The following MME variants were observed in gnomAD, a reference collection of about 807,000 sequenced individuals.
MME encodes membrane metalloendopeptidase.
In MME, 98 loss-of-function variants were observed where a neutral mutation model predicts 113.2. That is an observed-to-expected ratio of 0.87 (90% CI 0.74 to 1.02). MME has a LOEUF of 1.02. Ranked by LOEUF, MME falls within the 50% of genes least tolerant of loss-of-function variation. The pLI is 0.00. For missense variants in MME, 836 were observed against 896.0 expected (o/e 0.93, Z 0.86); for synonymous variants, 292 against 300.6 (o/e 0.97, Z 0.30).
chr3:155,045,641 C>T (rs1267043741), intron 1 of MME, among the ~76,000 whole-genome samples: 1 of 149,582 alleles, frequency 6.7e-6, no homozygotes, highest in Non-Finnish European at 1.5e-5. Context: ...ATCTCCTTGT[C>T]TTCTTGATCA....
At chr3:155,058,378 A>G (rs1714012041) in intron 1 of MME, among the ~76,000 whole-genome samples, 1 of 152,248 alleles carries the variant, frequency 6.6e-6, no homozygotes, top group Non-Finnish European at 1.5e-5. Flanking sequence ...GACTCTGGAC[A>G]AAGTCCAGTT....
At chr3:155,155,381 C>A (rs1722238847) in intron 16 of MME, among the ~76,000 whole-genome samples, 2 of 152,130 alleles carry the variant, frequency 1.3e-5, no homozygotes, top group South Asian at 4.1e-4. Flanking sequence ...CTTGAAAGGA[C>A]AACATTCAAC....
rs199574489 is a variant in MME, at chr3:155,181,065, T to C, written c.*606T>C. ...GCACTCTTAAAGCAAAAAATGAATG[T>C]CTAAAATTGTTTTTTGTTGTACCTG... On this transcript the variant is annotated 3_prime_UTR_variant, in exon 23 of 23. Coordinates refer to ENST00000360490, the MANE Select transcript of MME (RefSeq NM_007289.4). The C allele has an allele frequency of 9.8e-5, 15 of 152,962 alleles. No individual in the cohort carries two copies. Among genetic ancestry groups the C allele is most frequent in the African/African-American group, 3.6e-4 (15 of 41,450 alleles). 9.5% of individuals were successfully genotyped at this position (152,962 alleles called of 1,614,324 possible). A position where few individuals can be genotyped will look rare whatever the true frequency, so the allele number is the denominator to read the frequency against.
chr3:155,053,087 C>T (rs536568167), intron 1 of MME, among the ~76,000 whole-genome samples: 1 of 152,278 alleles, frequency 6.6e-6, no homozygotes, highest in Admixed American at 6.5e-5. Context: ...GTTGATATTA[C>T]TATCAGCATT....
Position 155,116,590 on chromosome 3 carries a change from G to GTGTATATA in MME, c.439+32_439+33insGTATATAT. The GTGTATATA allele has an allele frequency of 4.0e-6, 5 of 1,239,224 alleles. No homozygotes were observed. The South Asian group carries it at 5.9e-5, about 15-fold the overall frequency. 76.8% of individuals were successfully genotyped at this position (1,239,224 alleles called of 1,614,324 possible). ...TGCTCTTCATTTGATTTCATTAGGA[G>GTGTATATA]TATATATATATATATATTGGTGCCA... is the stretch of plus-strand genomic sequence containing the variant. On this transcript the variant is annotated intron_variant, in intron 5 of 22. Transcript: ENST00000360490.
intron 1 of MME, among the ~76,000 whole-genome samples, chr3:155,034,415 G>T (rs144739535): frequency 1.3e-5 from 2 of 152,280 alleles, no homozygotes; most frequent in Admixed American, 1.3e-4. Context: ...TAGAAATACA[G>T]ACCATAGTTA....
chr3:155,131,889 G>A (rs974658823), intron 8 of MME, among the ~76,000 whole-genome samples: 2 of 152,078 alleles, frequency 1.3e-5, no homozygotes, highest in Non-Finnish European at 2.9e-5. Flanking sequence ...AGCTTTTTTG[G>A]TAGGAAATAA....
rs528851522 is a variant in MME, at chr3:155,150,849, A to T, written c.1601+2196A>T. On this transcript the variant is annotated intron_variant, in intron 16 of 22. Coordinates refer to ENST00000360490, the MANE Select transcript of MME (RefSeq NM_007289.4). ...TTAAAATTTATTTTTATCTTCCAAA[A>T]TAATCAGAAACCCTCTGACAGTAAT... Among the ~76,000 whole-genome samples the T allele has an allele frequency of 3.3e-5, 5 of 152,350 alleles. No individual in the cohort carries two copies. The East Asian group carries it at 9.6e-4, about 29-fold the overall frequency.
intron 3 of MME, among the ~76,000 whole-genome samples, chr3:155,113,550 G>A (rs1718359156): frequency 6.6e-6 from 1 of 152,116 alleles, no homozygotes; most frequent in African/African-American, 2.4e-5. Flanking sequence ...GCCCTGCCAA[G>A]CTTTTATAAT....
At chr3:155,073,310 G>A (rs191915937) in intron 1 of MME, among the ~76,000 whole-genome samples, 5 of 152,124 alleles carry the variant, frequency 3.3e-5, no homozygotes, top group Non-Finnish European at 2.9e-5. Context: ...AAATAGAAAC[G>A]ACCACAGCAC....
In MME at chr3:155,084,343, A is replaced by C. The variant is rs1559906579; in HGVS notation, c.160+16A>C. On this transcript the variant is annotated intron_variant, in intron 2 of 22. Transcript: ENST00000360490. ...ACCTACGATGGTGAGTTACTCCCACACCTGTGCATCCATAAGTGCAAAAGA... is the reference window on the plus strand; with the variant it reads ...ACCTACGATGGTGAGTTACTCCCACCCCTGTGCATCCATAAGTGCAAAAGA... The C allele has an allele frequency of 6.2e-7, 1 of 1,613,412 alleles. No individual in the cohort carries two copies. Among genetic ancestry groups the C allele is most frequent in the Non-Finnish European group, 8.5e-7 (1 of 1,179,418 alleles).
At chr3:155,176,371 A>G (rs558696450) in intron 22 of MME, among the ~76,000 whole-genome samples, 2 of 152,354 alleles carry the variant, frequency 1.3e-5, no homozygotes, top group South Asian at 4.1e-4. Flanking sequence ...GAAATAATTA[A>G]TAAAAGCTTT....
At chr3:155,167,354 G>A (rs1353377224) in intron 18 of MME, among the ~76,000 whole-genome samples, 1 of 152,058 alleles carries the variant, frequency 6.6e-6, no homozygotes. Context: ...TAAAGGACAG[G>A]CTGCATGTCT....
At chr3:155,068,994 G>A (rs1366189273) in intron 1 of MME, among the ~76,000 whole-genome samples, 3 of 152,130 alleles carry the variant, frequency 2.0e-5, no homozygotes, top group African/African-American at 4.8e-5. Context: ...AGGACTCATC[G>A]AAGGCCACTG....
At chr3:155,030,569 C>A (rs903126948) in intron 1 of MME, among the ~76,000 whole-genome samples, 1 of 152,010 alleles carries the variant, frequency 6.6e-6, no homozygotes, top group African/African-American at 2.4e-5. Flanking sequence ...ACACTTTATC[C>A]AGCTTTTTTT....
chr3:155,116,687 G>T lies in MME; in HGVS notation c.463G>T (p.Glu155Ter). ...AGCTGCTATTGATAGCAGAGGTGGA[G>T]AACCTCTACTCAAACTGTTACCAGA... ...NESAIDSRGGEPLLKLLPDIY... is the reference protein window; with the variant it reads ...NESAIDSRGG Residue 155 changes from glutamate (E) to a stop codon, truncating the protein, a stop_gained, in exon 6 of 23, where the codon GAA becomes TAA. Transcript: ENST00000360490. LOFTEE classifies it high-confidence loss of function. The T allele has an allele frequency of 6.2e-7, 1 of 1,612,656 alleles. No individual in the cohort carries two copies.
intron 16 of MME, among the ~76,000 whole-genome samples, chr3:155,150,018 T>C (rs530553425): frequency 6.6e-6 from 1 of 152,212 alleles, no homozygotes; most frequent in African/African-American, 2.4e-5. Context: ...CAAAAAGTTA[T>C]GCAAAATAAT....
chr3:155,101,467 C>A (rs376659844), intron 3 of MME, among the ~76,000 whole-genome samples: 1 of 152,180 alleles, frequency 6.6e-6, no homozygotes, highest in Non-Finnish European at 1.5e-5. Context: ...CTCAAACATT[C>A]CACTTCCAGT....
chr3:155,131,582 C>T (rs923239835), intron 8 of MME, among the ~76,000 whole-genome samples: 1 of 152,088 alleles, frequency 6.6e-6, no homozygotes, highest in African/African-American at 2.4e-5. Context: ...CTAGATTCAG[C>T]CCCCCAAGCA....
Sources: gnomAD v4.1 joint callset for allele counts (sites outside exome capture counted in the v4.1 genomes callset) on GRCh38, gnomAD v4.1.1 for gene constraint, MANE v1.5 for transcripts, NCBI Gene and HGNC (gene_info 2026-07-23, HGNC 2026-07-21) for gene names.